Variants in NAV3 observed in about 807,000 individuals in gnomAD.
The protein encoded by NAV3 is neuron navigator 3, also known as pore membrane and/or filament interacting like protein 1.
In NAV3, 87 loss-of-function variants were observed where a neutral mutation model predicts 244.7. The observed-to-expected ratio is 0.36, with a 90% confidence interval of 0.30 to 0.42. The LOEUF (loss-of-function observed/expected upper bound fraction) is 0.42, where lower values mean the gene tolerates loss of function less well. Ranked by LOEUF, NAV3 falls within the 20% of genes least tolerant of loss-of-function variation. The pLI, the probability that NAV3 is intolerant of heterozygous loss-of-function variation, is 1.00. For missense variants in NAV3, 2,663 were observed against 2,893.3 expected (o/e 0.92, Z 1.83); for synonymous variants, 1,126 against 1,042.2 (o/e 1.08, Z -1.55).
At chr12:78,009,634 A>G (rs1874907266) in intron 8 of NAV3, among the ~76,000 whole-genome samples, 1 of 152,050 alleles carries the variant, frequency 6.6e-6, no homozygotes, top group African/African-American at 2.4e-5. Context: ...CTAATCTGTG[A>G]AATAGGTATG....
At chr12:77,964,060 C>T (rs1892303690) in intron 3 of NAV3, among the ~76,000 whole-genome samples, 1 of 142,172 alleles carries the variant, frequency 7.0e-6, no homozygotes, top group East Asian at 2.4e-4. Context: ...TTCTTTCTTT[C>T]CTTATCCTTC....
chr12:77,809,486 C>T (rs534756334), intron 2 of NAV3, among the ~76,000 whole-genome samples: 2 of 152,312 alleles, frequency 1.3e-5, no homozygotes, highest in Middle Eastern at 6.8e-3. Context: ...TTGGTTCGCC[C>T]TCCATGGGCT....
At chr12:77,857,854 T>C (rs1423504171) in intron 1 of NAV3, among the ~76,000 whole-genome samples, 1 of 151,934 alleles carries the variant, frequency 6.6e-6, no homozygotes, top group Non-Finnish European at 1.5e-5. Context: ...TACAATGCCA[T>C]GGAATTTGTT....
At chr12:78,066,110 C>T (rs1035801800) in intron 12 of NAV3, among the ~76,000 whole-genome samples, 1 of 151,954 alleles carries the variant, frequency 6.6e-6, no homozygotes, top group Non-Finnish European at 1.5e-5. Context: ...TAGCAAGTGC[C>T]CCTTAGCCTC....
intron 2 of NAV3, among the ~76,000 whole-genome samples, chr12:77,581,847 C>T (rs1205398345): frequency 6.6e-6 from 1 of 152,108 alleles, no homozygotes; most frequent in East Asian, 1.9e-4. Flanking sequence ...TACTTATGCT[C>T]TGTGGTAGGT....
chr12:78,090,753 T>C (rs2138004423), intron 12 of NAV3, among the ~76,000 whole-genome samples: 2 of 152,282 alleles, frequency 1.3e-5, no homozygotes, highest in South Asian at 4.1e-4. Context: ...ATCTTTAAAG[T>C]GATACAAAGA....
intron 1 of NAV3, among the ~76,000 whole-genome samples, chr12:77,887,620 A>G (rs1466490279): frequency 3.9e-5 from 6 of 152,178 alleles, no homozygotes; most frequent in Non-Finnish European, 8.8e-5. Context: ...TAGAAAATAA[A>G]TATTTGTTGG....
At chr12:77,628,341 C>A (rs1343218929) in intron 2 of NAV3, among the ~76,000 whole-genome samples, 1 of 152,018 alleles carries the variant, frequency 6.6e-6, no homozygotes, top group Non-Finnish European at 1.5e-5. Flanking sequence ...GTTTCAGAAG[C>A]AAGAGGCTTC....
At chr12:77,718,872 C>T (rs997029700) in intron 2 of NAV3, among the ~76,000 whole-genome samples, 1 of 152,046 alleles carries the variant, frequency 6.6e-6, no homozygotes, top group Admixed American at 6.6e-5. Flanking sequence ...GTCAGGTGGT[C>T]TCAAACTCCT....
chr12:78,037,763 C>T (rs1264627884), intron 9 of NAV3, among the ~76,000 whole-genome samples: 3 of 152,156 alleles, frequency 2.0e-5, no homozygotes, highest in African/African-American at 2.4e-5. Context: ...AAGGTGACCT[C>T]ATCACAGATA....
intron 2 of NAV3, among the ~76,000 whole-genome samples, chr12:77,755,251 CAATT>C (rs1163050198): frequency 3.9e-5 from 6 of 152,024 alleles, no homozygotes; most frequent in Admixed American, 3.3e-4. Context: ...TCTTAAATCA[CAATT>C]AATAATTTCT....
chr12:77,853,903 C>T (rs1295118364), intron 1 of NAV3, among the ~76,000 whole-genome samples: 1 of 152,180 alleles, frequency 6.6e-6, no homozygotes, highest in African/African-American at 2.4e-5. Flanking sequence ...CTATTCAACA[C>T]ATATTATATG....
At chr12:77,642,817 C>T (rs747876184) in intron 2 of NAV3, among the ~76,000 whole-genome samples, 26 of 151,928 alleles carry the variant, frequency 1.7e-4, no homozygotes, top group Non-Finnish European at 3.4e-4. Flanking sequence ...TCATGAAAAT[C>T]TTACTTCAGA....
intron 2 of NAV3, among the ~76,000 whole-genome samples, chr12:77,614,588 T>A (rs749712516): frequency 2.0e-5 from 3 of 152,148 alleles, no homozygotes; most frequent in Non-Finnish European, 4.4e-5. Context: ...CAAAAACAAA[T>A]CATATGAGGT....
intron 3 of NAV3, among the ~76,000 whole-genome samples, chr12:77,945,907 C>T (rs1358167976): frequency 6.6e-6 from 1 of 151,582 alleles, no homozygotes; most frequent in Non-Finnish European, 1.5e-5. Flanking sequence ...CACCACCACA[C>T]CTGGCTAATA....
At chr12:78,015,591 G>A (rs903482739) in intron 8 of NAV3, among the ~76,000 whole-genome samples, 14 of 151,716 alleles carry the variant, frequency 9.2e-5, no homozygotes, top group African/African-American at 3.4e-4. Flanking sequence ...CTTCCATTTT[G>A]GTTGTGTTGA....
chr12:77,990,791 T>C (rs998187333), intron 5 of NAV3, among the ~76,000 whole-genome samples: 2 of 152,150 alleles, frequency 1.3e-5, no homozygotes, highest in African/African-American at 4.8e-5. Flanking sequence ...TATAAGACTC[T>C]ATAGGTTTTC....
At chr12:77,689,781 G>T (rs1224027042) in intron 2 of NAV3, among the ~76,000 whole-genome samples, 2 of 151,728 alleles carry the variant, frequency 1.3e-5, no homozygotes, top group Non-Finnish European at 3.0e-5. Context: ...ATTAAAATGG[G>T]AAGTAAACAT....
intron 2 of NAV3, among the ~76,000 whole-genome samples, chr12:77,747,286 T>G (rs1484878267): frequency 2.0e-5 from 3 of 152,206 alleles, no homozygotes; most frequent in African/African-American, 4.8e-5. Flanking sequence ...TGGGGTTGTT[T>G]GTTTTTCACT....
Sources: gnomAD v4.1 joint callset for allele counts (sites outside exome capture counted in the v4.1 genomes callset) on GRCh38, gnomAD v4.1.1 for gene constraint, MANE v1.5 for transcripts, NCBI Gene and HGNC (gene_info 2026-07-23, HGNC 2026-07-21) for gene names.